EVC2: variants seen among roughly 807,000 people sequenced by gnomAD.
EVC2 encodes EvC ciliary complex subunit 2, also known as limbin.
EVC2 carries 148 observed loss-of-function variants against 149.3 expected under a neutral mutation model. The observed-to-expected ratio is 0.99, with a 90% confidence interval of 0.87 to 1.14. The LOEUF (loss-of-function observed/expected upper bound fraction) is 1.14. Among genes scored for constraint, EVC2 ranks in the 50% most tolerant of loss-of-function variants. The pLI, the probability that EVC2 is intolerant of heterozygous loss-of-function variation, is 0.00. For missense variants in EVC2, 1,854 were observed against 1,627.3 expected (o/e 1.14, Z -2.40); for synonymous variants, 776 against 649.9 (o/e 1.19, Z -2.95).
chr4:5,661,728 C>A (rs930807065), intron 9 of EVC2, among the ~76,000 whole-genome samples: 4 of 152,204 alleles, frequency 2.6e-5, no homozygotes, highest in African/African-American at 9.7e-5. Context: ...AGACTGTGAC[C>A]CATGTGTCCA....
chr4:5,615,300 A>T, intron 16 of EVC2, 122 bp downstream of exon 16: 1 of 1,501,212 alleles, frequency 6.7e-7, no homozygotes, highest in Non-Finnish European at 9.1e-7. Context: ...TGAGTGAGTG[A>T]GCGGTTGGGT....
At position 5,567,003 on chromosome 4, in the gene EVC2, T is replaced by G. The variant is rs958838648; in HGVS notation, c.3557+1441A>C. Among the ~76,000 whole-genome samples the G allele has an allele frequency of 6.6e-6, 1 of 152,146 alleles. No homozygotes were observed. Among genetic ancestry groups the G allele is most frequent in the Non-Finnish European group, 1.5e-5 (1 of 68,028 alleles). The stretch of plus-strand genomic sequence containing the variant: ...ATAGTAATATGATTGGCTCCTAATA[T>G]TCCATGGAGGAGCGTAGCATAGAGC... On this transcript the variant is annotated intron_variant, in intron 20 of 21. Transcript: ENST00000344408. This position sits in a 1 kb window ranked among gnomAD's most constrained non-coding sequence, Gnocchi z 4.4.
At chr4:5,639,518 G>A (rs1310453643) in intron 10 of EVC2, among the ~76,000 whole-genome samples, 1 of 152,196 alleles carries the variant, frequency 6.6e-6, no homozygotes, top group Non-Finnish European at 1.5e-5. Flanking sequence ...GCAGCCCATG[G>A]GCGCCAGGCA....
chr4:5,565,104 GC>G (rs1722190648), intron 21 of EVC2, among the ~76,000 whole-genome samples, 153 bp downstream of exon 21: 1 of 152,090 alleles, frequency 6.6e-6, no homozygotes, highest in Non-Finnish European at 1.5e-5. Flanking sequence ...TCTAAACTCA[GC>G]CCACTGAATA....
rs750396637 is a variant in EVC2 at position 5,568,589 on chromosome 4, TGGCCCCG to T, written c.3405_3411del (p.Gly1136ArgfsTer6). The stretch of plus-strand genomic sequence containing the variant: ...ACCACACTCAGGAGCCGGCGAAGCG[TGGCCCCG>T]GGCACCATGGCCATCCTCGCCAGGT... On this transcript the variant is annotated frameshift_variant, in exon 20 of 22. Transcript: ENST00000344408. LOFTEE classifies it high-confidence loss of function. 77 of 1,608,622 alleles carry T rather than the reference TGGCCCCG, an allele frequency of 4.8e-5. No homozygotes were observed. The highest frequency in any genetic ancestry group is 6.7e-5 in the African/African-American group (5 of 74,878).
At chr4:5,591,010 C>T (rs1038523488) in intron 16 of EVC2, among the ~76,000 whole-genome samples, 1 of 152,022 alleles carries the variant, frequency 6.6e-6, no homozygotes, top group African/African-American at 2.4e-5. Context: ...AGGGTAACTG[C>T]CCCCATGATT....
At chr4:5,708,190 C>G (rs1722338741) in intron 1 of EVC2, 96 bp downstream of exon 1, 11 of 1,129,810 alleles carry the variant, frequency 9.7e-6, no homozygotes, top group Non-Finnish European at 1.2e-5. Context: ...CTTCCTCATT[C>G]TTTGCGAAAT....
chr4:5,671,174 AG>A (rs76804457), intron 7 of EVC2, among the ~76,000 whole-genome samples: 38,306 of 152,160 alleles, frequency 0.25, 5,318 homozygotes, highest in African/African-American at 0.38. Flanking sequence ...TGTAGAAAAA[AG>A]TTTTTAAAAT....
At chr4:5,709,008 C>T (rs1387236196), upstream of EVC2, 1 of 153,454 alleles carries the variant, frequency 6.5e-6, no homozygotes, top group Non-Finnish European at 1.4e-5. Flanking sequence ...GGGGTGGCCG[C>T]AGAGAAGGAA....
intron 9 of EVC2, among the ~76,000 whole-genome samples, chr4:5,654,081 G>T (rs138438901): frequency 0.028 from 4,293 of 152,290 alleles, 205 homozygotes; most frequent in African/African-American, 0.098. Flanking sequence ...GGGCGTGGTG[G>T]CGGGCGCCTG....
chr4:5,584,991 T>G, intron 16 of EVC2, 141 bp from the exon 17 acceptor site: 1 of 890,318 alleles, frequency 1.1e-6, no homozygotes, highest in Non-Finnish European at 1.8e-6. Context: ...ACTGGGAACC[T>G]GCAGGGAGCA....
chr4:5,702,011 G>A (rs903285352), intron 1 of EVC2, among the ~76,000 whole-genome samples: 2 of 151,912 alleles, frequency 1.3e-5, no homozygotes, highest in South Asian at 2.1e-4. Context: ...TCACACATCC[G>A]CCTGCCATCT....
intron 16 of EVC2, among the ~76,000 whole-genome samples, chr4:5,599,472 CA>C (rs992833896): frequency 1.6e-3 from 237 of 151,846 alleles, no homozygotes; most frequent in African/African-American, 5.7e-3. Flanking sequence ...ATCGCAAGAA[CA>C]AAAAACCAAA....
At chr4:5,542,000 C>T, downstream of EVC2, among the ~76,000 whole-genome samples, 1 of 152,068 alleles carries the variant, frequency 6.6e-6, no homozygotes, top group East Asian at 1.9e-4. Context: ...GTGGTTAGAT[C>T]ATGAGGTTTG....
downstream of EVC2, among the ~76,000 whole-genome samples, chr4:5,541,940 T>G (rs1721522018): frequency 6.6e-6 from 1 of 152,120 alleles, no homozygotes; most frequent in Non-Finnish European, 1.5e-5. Context: ...ATTCATATGT[T>G]GAAACCCTAA....
intron 21 of EVC2, among the ~76,000 whole-genome samples, chr4:5,551,231 C>T (rs10014137): frequency 0.29 from 44,480 of 152,052 alleles, 7,857 homozygotes; most frequent in East Asian, 0.86. Flanking sequence ...GGAAAAGCTG[C>T]AGACACTCAA....
At position 5,628,590 on chromosome 4, in the gene EVC2, G is replaced by A. The variant is rs137852925; in HGVS notation, c.1855C>T (p.Gln619Ter). Residue 619 changes from glutamine to a stop codon, truncating the protein, a stop_gained, in exon 12 of 22, where the codon CAG becomes TAG. Transcript: ENST00000344408. LOFTEE classifies it high-confidence loss of function. ...VQGLLSTAAAQLTHLIQKHER... is the reference protein window; with the variant it reads ...VQGLLSTAAA ...TGCTTCTGAATGAGGTGAGTCAGCT[G>A]GGCTGCAGCGGTGCTCAGAAGGCCC... 1.2e-6 allele frequency: 2 copies of A among 1,613,906 alleles called. No individual in the cohort carries two copies. Among genetic ancestry groups the A allele is most frequent in the African/African-American group, 2.7e-5 (2 of 74,864 alleles).
chr4:5,606,097 C>T (rs1449859457), intron 16 of EVC2, among the ~76,000 whole-genome samples: 2 of 152,202 alleles, frequency 1.3e-5, no homozygotes, highest in Non-Finnish European at 2.9e-5. Context: ...GACCTCCTCA[C>T]TGGTACTCCC....
intron 4 of EVC2, among the ~76,000 whole-genome samples, chr4:5,690,139 A>T (rs943633372): frequency 6.6e-6 from 1 of 152,264 alleles, no homozygotes; most frequent in Non-Finnish European, 1.5e-5. Context: ...ATGCATGTGC[A>T]CACACTTATA....
Sources: gnomAD v4.1 joint callset for allele counts (sites outside exome capture counted in the v4.1 genomes callset) on GRCh38, gnomAD v4.1.1 for gene constraint, Gnocchi (gnomAD v3.1) non-coding constraint, MANE v1.5 for transcripts, NCBI Gene and HGNC (gene_info 2026-07-23, HGNC 2026-07-21) for gene names.